Variants in SLC9A9 observed in about 807,000 individuals in gnomAD.
The protein encoded by SLC9A9 is sodium/hydrogen exchanger 9.
SLC9A9 carries 62 observed loss-of-function variants against 77.8 expected under a neutral mutation model. The ratio of observed to expected loss-of-function variants is 0.80; its 90% CI spans 0.65 to 0.98. The LOEUF (loss-of-function observed/expected upper bound fraction) is 0.98, where lower values mean the gene tolerates loss of function less well. Among genes scored for constraint, SLC9A9 ranks in the 50% least tolerant of loss-of-function variants. The probability of loss-of-function intolerance (pLI) is 0.00; values close to 1 mark genes in which losing one functional copy is unlikely to be tolerated. For missense variants in SLC9A9, 775 were observed against 774.9 expected, an observed-to-expected ratio of 1.00 and a Z score of 0.00; for synonymous variants, 320 against 283.5, an observed-to-expected ratio of 1.13 and a Z score of -1.29.
intron 11 of SLC9A9, among the ~76,000 whole-genome samples, chr3:143,482,615 A>G (rs2035591631): frequency 6.6e-6 from 1 of 152,152 alleles, no homozygotes; most frequent in African/African-American, 2.4e-5. Context: ...CACAGTACCC[A>G]AGTCACAGTG....
intron 11 of SLC9A9, among the ~76,000 whole-genome samples, chr3:143,470,461 C>G (rs1472634914): frequency 3.0e-5 from 4 of 132,620 alleles, no homozygotes; most frequent in African/African-American, 8.7e-5. Flanking sequence ...GCCTGGGCAA[C>G]AAGAGCGAAA....
chr3:143,688,470 G>A (rs1933351310), intron 5 of SLC9A9, among the ~76,000 whole-genome samples: 1 of 152,110 alleles, frequency 6.6e-6, no homozygotes. Flanking sequence ...CAAAGGTGAT[G>A]CAAAGTGAGG....
At chr3:143,814,482 G>A (rs1046788066) in intron 2 of SLC9A9, among the ~76,000 whole-genome samples, 5 of 152,136 alleles carry the variant, frequency 3.3e-5, no homozygotes, top group Non-Finnish European at 7.4e-5. Flanking sequence ...GAAACCCAGG[G>A]CTGCAGAAAG....
At chr3:143,613,553 T>G (rs2038053152) in intron 6 of SLC9A9, among the ~76,000 whole-genome samples, 1 of 152,210 alleles carries the variant, frequency 6.6e-6, no homozygotes, top group Non-Finnish European at 1.5e-5. Flanking sequence ...TAATCTGGAA[T>G]TTGTTTTCAT....
At chr3:143,471,110 G>A (rs1484096345) in intron 11 of SLC9A9, among the ~76,000 whole-genome samples, 1 of 152,160 alleles carries the variant, frequency 6.6e-6, no homozygotes, top group Admixed American at 6.5e-5. Flanking sequence ...TAGATACAGG[G>A]TGTTCTTAGA....
intron 2 of SLC9A9, among the ~76,000 whole-genome samples, chr3:143,820,146 C>T (rs1286587199): frequency 1.3e-5 from 2 of 152,188 alleles, no homozygotes; most frequent in African/African-American, 2.4e-5. Flanking sequence ...GAATTTGAAG[C>T]ATAGGATGGT....
intron 7 of SLC9A9, among the ~76,000 whole-genome samples, chr3:143,574,479 T>G (rs938292025): frequency 9.9e-5 from 15 of 152,278 alleles, no homozygotes; most frequent in Admixed American, 9.8e-4. Context: ...GGGCCTAGCC[T>G]CATCCCTTGG....
intron 14 of SLC9A9, among the ~76,000 whole-genome samples, chr3:143,302,431 TG>T (rs777580702): frequency 6.6e-6 from 1 of 150,710 alleles, no homozygotes; most frequent in Non-Finnish European, 1.5e-5. Flanking sequence ...GAAAATGAGG[TG>T]TTTGTATTAA....
intron 6 of SLC9A9, among the ~76,000 whole-genome samples, chr3:143,623,591 A>G (rs1367430035): frequency 6.6e-6 from 1 of 152,200 alleles, no homozygotes; most frequent in Non-Finnish European, 1.5e-5. Context: ...AACATACCAG[A>G]ATCTCTGGGA....
chr3:143,662,398 C>A (rs2038992079), intron 5 of SLC9A9, among the ~76,000 whole-genome samples: 1 of 152,226 alleles, frequency 6.6e-6, no homozygotes, highest in Non-Finnish European at 1.5e-5. Flanking sequence ...ATGCAGAAGA[C>A]AGGTGATTTC....
chr3:143,380,842 C>T (rs549743532), intron 13 of SLC9A9, among the ~76,000 whole-genome samples: 1 of 152,306 alleles, frequency 6.6e-6, no homozygotes, highest in South Asian at 2.1e-4. Flanking sequence ...AAAGCAGTGT[C>T]TTGCCCAGGA....
intron 4 of SLC9A9, among the ~76,000 whole-genome samples, chr3:143,700,115 G>A (rs1469647087): frequency 1.3e-5 from 2 of 151,564 alleles, no homozygotes; most frequent in Non-Finnish European, 2.9e-5. Context: ...TTAAAGGGAA[G>A]GGCACAGTAC....
At chr3:143,687,346 T>A (rs932723036) in intron 5 of SLC9A9, among the ~76,000 whole-genome samples, 18 of 152,166 alleles carry the variant, frequency 1.2e-4, no homozygotes, top group African/African-American at 3.4e-4. Context: ...TGAGTCACAA[T>A]AATTTAGGCA....
intron 12 of SLC9A9, among the ~76,000 whole-genome samples, chr3:143,388,284 T>C (rs920896298): frequency 3.3e-5 from 5 of 152,208 alleles, no homozygotes; most frequent in Admixed American, 2.6e-4. Flanking sequence ...CAATTAATAA[T>C]TCAAATATTT....
chr3:143,619,267 A>G (rs2038157390), intron 6 of SLC9A9, among the ~76,000 whole-genome samples: 1 of 152,260 alleles, frequency 6.6e-6, no homozygotes, highest in Admixed American at 6.5e-5. Flanking sequence ...GACAGTGTTC[A>G]GTTTTTAAGA....
chr3:143,741,536 G>A (rs1935072467), intron 4 of SLC9A9, among the ~76,000 whole-genome samples: 1 of 152,104 alleles, frequency 6.6e-6, no homozygotes, highest in Admixed American at 6.5e-5. Flanking sequence ...GTTAAGTAGG[G>A]GAATGTAACT....
chr3:143,542,988 T>C (rs1232093026), intron 9 of SLC9A9, among the ~76,000 whole-genome samples: 1 of 152,246 alleles, frequency 6.6e-6, no homozygotes, highest in African/African-American at 2.4e-5. Flanking sequence ...GTGTTAAGAC[T>C]GATGTCCTGG....
At chr3:143,395,153 C>A (rs543208097) in intron 12 of SLC9A9, among the ~76,000 whole-genome samples, 14 of 152,146 alleles carry the variant, frequency 9.2e-5, no homozygotes, top group Non-Finnish European at 1.6e-4. Flanking sequence ...CAATCCTAAG[C>A]CAAAAGAACA....
At chr3:143,377,789 GA>G (rs1013708591) in intron 13 of SLC9A9, among the ~76,000 whole-genome samples, 18 of 152,226 alleles carry the variant, frequency 1.2e-4, no homozygotes, top group Non-Finnish European at 2.1e-4. Flanking sequence ...TATCACATTA[GA>G]AAAAAACTCA....
Sources: allele counts gnomAD v4.1 joint callset (sites outside exome capture counted in the v4.1 genomes callset), GRCh38; gene constraint gnomAD v4.1.1; transcripts MANE v1.5; gene names NCBI Gene and HGNC (gene_info 2026-07-23, HGNC 2026-07-21).